Variants in SLC4A1 observed in about 807,000 individuals in gnomAD.
SLC4A1 encodes the protein solute carrier family 4 member 1 (Diego blood group), also known as band 3 anion transport protein.
In SLC4A1, 29 loss-of-function variants were observed where a neutral mutation model predicts 93.1. That is an observed-to-expected ratio of 0.31 (90% CI 0.23 to 0.42). SLC4A1 has a LOEUF of 0.42. SLC4A1 is among the 20% of genes least tolerant of loss of function. The pLI, the probability that SLC4A1 is intolerant of heterozygous loss-of-function variation, is 1.00. For synonymous variants in SLC4A1, 469 were observed against 497.2 expected (o/e 0.94, Z 0.76); for missense variants, 965 against 1,190.1 (o/e 0.81, Z 2.78).
rs771174807 is a variant in SLC4A1 at position 44,258,062 on chromosome 17, G to A, written c.1206C>T (p.Ser402=). The part of the protein sequence containing the change: ...YYLSDITDAF[S]PQVLAAVIFI... Reference sequence around the variant, plus strand: ...AGATGACGGCAGCCAGGACCTGGGGGCTGAATGCATCTGTGATGTCACTCA... The same window carrying A: ...AGATGACGGCAGCCAGGACCTGGGGACTGAATGCATCTGTGATGTCACTCA... The change falls in exon 11 of 20, where the codon AGC becomes AGT. Residue 402 remains serine, a synonymous_variant. Coordinates refer to ENST00000262418, the MANE Select transcript of SLC4A1 (RefSeq NM_000342.4). This position sits in a 1 kb window ranked among gnomAD's most constrained non-coding sequence, Gnocchi z 6.1. 6.2e-7 allele frequency: 1 copy of A among 1,614,068 alleles called. No individual in the cohort carries two copies. Among genetic ancestry groups the A allele is most frequent in the Non-Finnish European group, 8.5e-7 (1 of 1,180,006 alleles).
Position 44,251,770 on chromosome 17 carries a change from G to A in SLC4A1, c.2312-182C>T, listed in dbSNP as rs114432135. ...TTTTTTTGAGACAGGATCTCGCTCT[G>A]TCACCCAAGCCAGAGTGCAGTAGTG... On this transcript the variant is annotated intron_variant, in intron 17 of 19. Transcript: ENST00000262418. Among the ~76,000 whole-genome samples the A allele has an allele frequency of 7.7e-3, 864 of 112,284 alleles. 8 individuals carry two copies. The highest frequency in any genetic ancestry group is 0.028 in the African/African-American group (791 of 28,242). The allele number at this position is 112,284 out of a possible 152,430, so 73.7% of individuals were successfully genotyped here. A position where few individuals can be genotyped will look rare whatever the true frequency, so the allele number is the denominator to read the frequency against.
At chr17:44,263,024 G>T in intron 1 of SLC4A1, 90 bp from the exon 2 acceptor site, 2 of 1,065,256 alleles carry the variant, frequency 1.9e-6, no homozygotes, top group Non-Finnish European at 2.9e-6. Flanking sequence ...CAGTGGAGGG[G>T]ATCCACGTGT....
chr17:44,263,380 T>C (rs906577062), intron 1 of SLC4A1, among the ~76,000 whole-genome samples: 1 of 152,158 alleles, frequency 6.6e-6, no homozygotes, highest in Non-Finnish European at 1.5e-5. Flanking sequence ...CCACCGGGCA[T>C]GGGCTGCAGC....
intron 1 of SLC4A1, among the ~76,000 whole-genome samples, chr17:44,264,105 T>G (rs866431238): frequency 1.5e-4 from 23 of 152,096 alleles, no homozygotes; most frequent in African/African-American, 5.6e-4. Context: ...TAGACTTAAG[T>G]GAACCTCCCA....
Position 44,258,123 on chromosome 17 carries a change from A to T in SLC4A1, c.1145T>A (p.Leu382Gln). The change falls in exon 11 of 20, where the codon CTG becomes CAG. Residue 382 changes from leucine to glutamine, a missense_variant. Leu to Gln is a moderately radical substitution (Grantham distance 113, BLOSUM62 -2). Around this residue, in one of 2 missense-constraint regions of SLC4A1, gnomAD observed 770 missense variants for 1,006.6 expected, o/e 0.76. Coordinates refer to ENST00000262418, the MANE Select transcript of SLC4A1 (RefSeq NM_000342.4). This position sits in a 1 kb window ranked among gnomAD's most constrained non-coding sequence, Gnocchi z 6.1. ...LQQTGQLFGGLVRDIRRRYPY... is the reference protein window; with the variant it reads ...LQQTGQLFGGQVRDIRRRYPY... Reference sequence around the variant, plus strand: ...GTAGCGGCGCCGGATATCACGCACCAGGCCCCCGAAGAGCTGGCCTGTCTG... The same window carrying T: ...GTAGCGGCGCCGGATATCACGCACCTGGCCCCCGAAGAGCTGGCCTGTCTG... The T allele has an allele frequency of 6.2e-7, 1 of 1,614,050 alleles. No individual in the cohort carries two copies. The highest frequency in any genetic ancestry group is 8.5e-7 in the Non-Finnish European group (1 of 1,180,000).
chr17:44,262,146 T>G, intron 3 of SLC4A1: 4 of 786,710 alleles, frequency 5.1e-6, no homozygotes, highest in Non-Finnish European at 4.7e-6. Context: ...GCCTCTTAAC[T>G]TTAATCCCAA....
At position 44,250,321 on chromosome 17, in the gene SLC4A1, C is replaced by T. The variant is rs1217784268; in HGVS notation, c.*137G>A. 2 of 745,640 alleles carry T rather than the reference C, an allele frequency of 2.7e-6. No individual in the cohort carries two copies. Among genetic ancestry groups the T allele is most frequent in the Non-Finnish European group, 4.7e-6 (2 of 427,024 alleles). 46.2% of individuals were successfully genotyped at this position (745,640 alleles called of 1,614,324 possible). On this transcript the variant is annotated 3_prime_UTR_variant, in exon 20 of 20. Coordinates refer to ENST00000262418, the MANE Select transcript of SLC4A1 (RefSeq NM_000342.4). ...AGGTCTCCTGGACACGCCTTCCTTC[C>T]CCACCCACAGCCCTGGGGCCTCAGC...
intron 16 of SLC4A1, 128 bp downstream of exon 16, chr17:44,254,368 T>A (rs1047858575): frequency 6.1e-6 from 5 of 823,148 alleles, no homozygotes. Flanking sequence ...CTATTCCTGC[T>A]AGTCGGGAGG....
rs780804585 is a variant in SLC4A1, at chr17:44,260,458, T to A, written c.431A>T (p.Gln144Leu). 4.3e-6 allele frequency: 7 copies of A among 1,614,006 alleles called. No homozygotes were observed. The highest frequency in any genetic ancestry group is 5.1e-6 in the Non-Finnish European group (6 of 1,180,004). The change falls in exon 6 of 20, where the codon CAG (glutamine) becomes CTG (leucine). Residue 144 changes from glutamine to leucine, a missense_variant. Physicochemically the swap from Gln to Leu is moderately radical, Grantham distance 113. Coordinates refer to ENST00000262418, the MANE Select transcript of SLC4A1 (RefSeq NM_000342.4). Reference protein sequence around the residue: ...QLLDRFIFEDQIRPQDREELL... With the variant: ...QLLDRFIFEDLIRPQDREELL... ...CTCCTCTCGGTCCTGAGGCCGGATCTGGTCTTCAAAGATAAACCTGTCTAG... is the reference window on the plus strand; with the variant it reads ...CTCCTCTCGGTCCTGAGGCCGGATCAGGTCTTCAAAGATAAACCTGTCTAG...
At chr17:44,260,604 C>T (rs777109145) in intron 5 of SLC4A1, 31 bp downstream of exon 5, 5 of 1,614,142 alleles carry the variant, frequency 3.1e-6, no homozygotes, top group East Asian at 2.2e-5. Flanking sequence ...TCCTCATCTG[C>T]AGGGGGTCCA....
Position 44,250,493 on chromosome 17 carries a change from G to T in SLC4A1, c.2701C>A (p.Arg901=). ...AKATFDEEEG[R]DEYDEVAMPV is the part of the protein sequence containing the mutation. ...ATGGCCACTTCGTCGTATTCATCCC[G>T]ACCTTCCTCCTCATCAAAGGTTGCC... The change falls in exon 20 of 20, where the codon CGG becomes AGG. Residue 901 remains arginine, a synonymous_variant. Transcript: ENST00000262418. The T allele has an allele frequency of 6.2e-7, 1 of 1,613,888 alleles. No homozygotes were observed. The highest frequency in any genetic ancestry group is 1.1e-5 in the South Asian group (1 of 91,050).
chr17:44,262,168 T>A, intron 3 of SLC4A1: 1 of 635,206 alleles, frequency 1.6e-6, no homozygotes, highest in Non-Finnish European at 2.1e-6. Context: ...CTCCAGCACT[T>A]AAGTCCTGTT....
Position 44,257,491 on chromosome 17 carries a change from G to C in SLC4A1, c.1485C>G (p.Phe495Leu). 8 of 1,613,820 alleles carry C rather than the reference G, an allele frequency of 5.0e-6. No individual in the cohort carries two copies. Among genetic ancestry groups the C allele is most frequent in the Non-Finnish European group, 6.8e-6 (8 of 1,179,926 alleles). ...EYIVGRVWIG[F>L]WLILLVVLVV... is the part of the protein sequence containing the mutation. The stretch of plus-strand genomic sequence containing the variant: ...CCAACACCACCAGCAGGATGAGCCA[G>C]AAGCCGATCCACACGCGGCCCACGA... The change falls in exon 13 of 20, where the codon TTC becomes TTG. Residue 495 changes from phenylalanine (F) to leucine (L), a missense_variant. This residue lies in a region of SLC4A1 where 770 missense variants were observed against 1,006.6 expected (regional missense o/e 0.76). Transcript: ENST00000262418.
At chr17:44,250,687 G>C (rs1292673956) in intron 19 of SLC4A1, 149 bp from the exon 20 acceptor site, 1 of 684,562 alleles carries the variant, frequency 1.5e-6, no homozygotes, top group Non-Finnish European at 2.6e-6. Context: ...CAGCAGCTAG[G>C]ACTGGCCTAA....
Position 44,254,394 on chromosome 17 carries a change from G to C in SLC4A1, c.2057+102C>G. On this transcript the variant is annotated intron_variant, in intron 16 of 19. Transcript: ENST00000262418. ...AGTCGGGAGGGCCACACACCCGCAG[G>C]GACTAGCTTGCAGTCCTGGGTCTCT... The C allele has an allele frequency of 3.6e-6, 4 of 1,106,942 alleles. No individual in the cohort carries two copies. In the South Asian group the frequency reaches 5.3e-5, roughly 15 times the overall value. The allele number at this position is 1,106,942 out of a possible 1,614,324, so 68.6% of individuals were successfully genotyped here.
intron 16 of SLC4A1, among the ~76,000 whole-genome samples, chr17:44,253,767 G>A (rs1307498938): frequency 1.3e-5 from 2 of 152,034 alleles, no homozygotes; most frequent in Non-Finnish European, 2.9e-5. Context: ...TGCCTCCCGG[G>A]TTCAAGTGAT....
At chr17:44,267,682 G>A (rs1413619724) in intron 1 of SLC4A1, among the ~76,000 whole-genome samples, 1 of 152,180 alleles carries the variant, frequency 6.6e-6, no homozygotes, top group Non-Finnish European at 1.5e-5. Flanking sequence ...CTCCTAGGTG[G>A]GAGAGGGGGT....
rs183291106 is a variant in SLC4A1, at chr17:44,264,445, G to C, written c.-68-1511C>G. ...TGCACTCCAGCCTGGGTGACAGAGT[G>C]AGACTCTTTAGAAGGAAAACAAAAC... is the stretch of plus-strand genomic sequence containing the variant. On this transcript the variant is annotated intron_variant, in intron 1 of 19. Transcript: ENST00000262418. Among the ~76,000 whole-genome samples, 221 of 152,306 alleles carry C rather than the reference G, an allele frequency of 1.5e-3. 1 individual carries two copies. The highest frequency in any genetic ancestry group is 3.4e-3 in the Middle Eastern group (1 of 294).
chr17:44,251,814 G>A (rs2047345154), intron 17 of SLC4A1, among the ~76,000 whole-genome samples: 1 of 124,050 alleles, frequency 8.1e-6, no homozygotes, highest in South Asian at 2.8e-4. Flanking sequence ...GCTCACAACA[G>A]ACTTAACCTC....
Sources: gnomAD v4.1 joint callset for allele counts (sites outside exome capture counted in the v4.1 genomes callset) on GRCh38, gnomAD v4.1.1 for gene constraint, gnomAD v4.1.1 regional missense constraint, Gnocchi (gnomAD v3.1) non-coding constraint, MANE v1.5 for transcripts, NCBI Gene and HGNC (gene_info 2026-07-23, HGNC 2026-07-21) for gene names.